The following SEMA3A variants were observed in gnomAD, a reference collection of about 807,000 sequenced individuals.
SEMA3A encodes semaphorin 3A, also known as semaphorin-3A.
A neutral mutation model predicts 97.9 loss-of-function variants in SEMA3A; 29 were observed. That is an observed-to-expected ratio of 0.30 (90% CI 0.22 to 0.40). The LOEUF (loss-of-function observed/expected upper bound fraction) is 0.40, where lower values mean the gene tolerates loss of function less well. Among genes scored for constraint, SEMA3A ranks in the 10% least tolerant of loss-of-function variants. The pLI is 1.00. For synonymous variants in SEMA3A, 321 were observed against 323.7 expected (o/e 0.99, Z 0.09); for missense variants, 763 against 951.3 (o/e 0.80, Z 2.60).
chr7:84,482,737 T>G (rs1453283271), intron 1 of SEMA3A, among the ~76,000 whole-genome samples: 2 of 152,220 alleles, frequency 1.3e-5, no homozygotes, highest in Non-Finnish European at 2.9e-5. Flanking sequence ...CATCCTCTTA[T>G]AGCCTCTTCC....
intron 15 of SEMA3A, among the ~76,000 whole-genome samples, chr7:83,972,189 TCTTA>T (rs1414276811): frequency 6.6e-6 from 1 of 151,976 alleles, no homozygotes; most frequent in African/African-American, 2.4e-5. Context: ...GTCACCAGTA[TCTTA>T]CTTTCAGAGA....
At chr7:84,227,891 CTGTG>C (rs771319459) in intron 3 of SEMA3A, among the ~76,000 whole-genome samples, 1 of 149,352 alleles carries the variant, frequency 6.7e-6, no homozygotes, top group African/African-American at 2.5e-5. Flanking sequence ...ATGTAAGTCT[CTGTG>C]TGTGTGTGTG....
At chr7:84,395,702 G>C (rs1262738445) in intron 1 of SEMA3A, among the ~76,000 whole-genome samples, 1 of 152,058 alleles carries the variant, frequency 6.6e-6, no homozygotes, top group Non-Finnish European at 1.5e-5. Context: ...TTCCCTGTTT[G>C]CTCGGCACTT....
chr7:84,256,119 C>T (rs911875391), intron 3 of SEMA3A, among the ~76,000 whole-genome samples: 3 of 152,002 alleles, frequency 2.0e-5, no homozygotes, highest in Admixed American at 2.0e-4. Context: ...TGCTTAAATA[C>T]ATACATAATG....
At position 83,981,486 on chromosome 7, in the gene SEMA3A, A is replaced by C; in HGVS notation, c.1495-8T>G. 6.3e-7 allele frequency: 1 copy of C among 1,586,884 alleles called. No individual in the cohort carries two copies. Among genetic ancestry groups the C allele is most frequent in the Non-Finnish European group, 8.6e-7 (1 of 1,167,728 alleles). ...ACCAATATATAGTTGTTGCTGTGGA[A>C]AGAGTTTACTGCTGTGACAAAAACT... On this transcript the variant is annotated splice_polypyrimidine_tract_variant and splice_region_variant and intron_variant, in intron 13 of 16. Coordinates refer to ENST00000265362, the MANE Select transcript of SEMA3A (RefSeq NM_006080.3).
chr7:84,444,452 CACAA>C lies in SEMA3A; in HGVS notation c.-246+48004_-246+48007del, dbSNP rs527956622. On this transcript the variant is annotated intron_variant, in intron 1 of 3. Transcript: ENST00000424555. ...TGTTAATCATTTTCTTCAATTAGAG[CACAA>C]ACAAATTAATTTTTTTCTTTACAAA... 3.1e-3 allele frequency among the ~76,000 whole-genome samples: 471 copies of C among 152,154 alleles called. 1 individual carries two copies. Among genetic ancestry groups the C allele is most frequent in the African/African-American group, 0.01 (432 of 41,526 alleles).
intron 2 of SEMA3A, among the ~76,000 whole-genome samples, chr7:84,343,049 T>C (rs1802209555): frequency 6.6e-6 from 1 of 152,224 alleles, no homozygotes; most frequent in African/African-American, 2.4e-5. Context: ...CTCACAAGCA[T>C]ACCATGTAGG....
rs967703406 is a variant in SEMA3A, at chr7:84,400,068, G to A, written c.-245-28168C>T. Among the ~76,000 whole-genome samples the A allele has an allele frequency of 2.8e-4, 42 of 152,194 alleles. 1 individual carries two copies. Among genetic ancestry groups the A allele is most frequent in the Non-Finnish European group, 8.8e-5 (6 of 68,052 alleles). ...GTCTGCAAGAGTTGCAGCATATTGG[G>A]CTTAGTGTGCCATGTAGTGTGAAAA... On this transcript the variant is annotated intron_variant, in intron 1 of 3. Transcript: ENST00000424555.
At chr7:84,030,167 C>T (rs1378370411) in intron 6 of SEMA3A, among the ~76,000 whole-genome samples, 1 of 152,078 alleles carries the variant, frequency 6.6e-6, no homozygotes, top group Non-Finnish European at 1.5e-5. Context: ...TATCCTACAG[C>T]TAAATAATAT....
chr7:84,345,910 C>A (rs182228102), intron 2 of SEMA3A, among the ~76,000 whole-genome samples: 1 of 152,278 alleles, frequency 6.6e-6, no homozygotes, highest in African/African-American at 2.4e-5. Context: ...CTTTCTAAGC[C>A]AGGCATCGAC....
chr7:84,161,981 G>C (rs1193776130), intron 1 of SEMA3A, among the ~76,000 whole-genome samples: 1 of 151,962 alleles, frequency 6.6e-6, no homozygotes, highest in Non-Finnish European at 1.5e-5. Context: ...TTTTAATCCT[G>C]ACCCTAATTC....
chr7:84,222,180 G>GA (rs1287485962), intron 3 of SEMA3A, among the ~76,000 whole-genome samples: 1 of 151,664 alleles, frequency 6.6e-6, no homozygotes, highest in Admixed American at 6.6e-5. Context: ...GCTATTAAAT[G>GA]AAAAAATGAT....
chr7:84,249,416 T>TATCTATCA (rs1169332667), intron 3 of SEMA3A, among the ~76,000 whole-genome samples: 3 of 150,888 alleles, frequency 2.0e-5, no homozygotes, highest in African/African-American at 7.4e-5. Flanking sequence ...TCTATCTATC[T>TATCTATCA]ATCATCTACA....
chr7:84,463,566 G>A (rs988691046), intron 1 of SEMA3A, among the ~76,000 whole-genome samples: 9 of 151,840 alleles, frequency 5.9e-5, no homozygotes, highest in Non-Finnish European at 1.0e-4. Context: ...TAACTATTTA[G>A]CTTTGAAAGC....
intron 3 of SEMA3A, among the ~76,000 whole-genome samples, chr7:84,216,652 A>G (rs1798762461): frequency 6.6e-6 from 1 of 152,160 alleles, no homozygotes; most frequent in Non-Finnish European, 1.5e-5. Context: ...AGAATGACAA[A>G]TGGACAATGA....
At chr7:83,998,220 C>G (rs748808889) in intron 12 of SEMA3A, among the ~76,000 whole-genome samples, 3 of 151,964 alleles carry the variant, frequency 2.0e-5, no homozygotes, top group Non-Finnish European at 2.9e-5. Flanking sequence ...TGTCATTGTG[C>G]GAAAAATCAT....
At chr7:84,215,630 A>G (rs1798735681) in intron 3 of SEMA3A, among the ~76,000 whole-genome samples, 1 of 152,148 alleles carries the variant, frequency 6.6e-6, no homozygotes, top group South Asian at 2.1e-4. Context: ...TTACTTGTTT[A>G]TGTGGATTCT....
chr7:84,374,993 T>A (rs1803062710), intron 1 of SEMA3A, among the ~76,000 whole-genome samples: 1 of 152,088 alleles, frequency 6.6e-6, no homozygotes, highest in African/African-American at 2.4e-5. Context: ...TCAAAGAGAC[T>A]GTTTCAGGGA....
intron 6 of SEMA3A, among the ~76,000 whole-genome samples, chr7:84,026,271 G>A (rs1414214297): frequency 6.6e-6 from 1 of 152,132 alleles, no homozygotes; most frequent in Non-Finnish European, 1.5e-5. Flanking sequence ...CCCTGACTTT[G>A]AGGAGAAAAT....
Sources: allele counts gnomAD v4.1 joint callset (sites outside exome capture counted in the v4.1 genomes callset), GRCh38; gene constraint gnomAD v4.1.1; transcripts MANE v1.5; gene names NCBI Gene and HGNC (gene_info 2026-07-23, HGNC 2026-07-21).